The following EZR variants were observed in gnomAD, a reference collection of about 807,000 sequenced individuals.
The protein encoded by EZR is cytovillin 2.
Under a neutral mutation model 74.8 loss-of-function variants are expected in EZR, and 40 were observed. The ratio of observed to expected loss-of-function variants is 0.53; its 90% CI spans 0.42 to 0.70. The LOEUF (loss-of-function observed/expected upper bound fraction) is 0.70. EZR is among the 30% of genes least tolerant of loss of function. The pLI is 0.00. For synonymous variants in EZR, 341 were observed against 283.3 expected (o/e 1.20, Z -2.05); for missense variants, 678 against 755.8 (o/e 0.90, Z 1.21).
chr6:158,807,182 G>A (rs1352422912), intron 2 of EZR, among the ~76,000 whole-genome samples: 3 of 152,104 alleles, frequency 2.0e-5, no homozygotes, highest in Admixed American at 2.0e-4. Context: ...GAGTGTGATG[G>A]CTGGCGCCTG....
intron 2 of EZR, among the ~76,000 whole-genome samples, chr6:158,806,135 C>T (rs976766058): frequency 2.0e-5 from 3 of 152,168 alleles, no homozygotes; most frequent in Non-Finnish European, 4.4e-5. Context: ...GTAGTGACCT[C>T]CTTTTAAAAC....
In EZR at chr6:158,777,294, G is replaced by T. The variant is rs534040445; in HGVS notation, c.699-790C>A. On this transcript the variant is annotated intron_variant, in intron 7 of 13. Transcript: ENST00000367075. ...ATTCCAGTGTGTGTTCTCCTGGCTG[G>T]ACAGACATCTTCCCATGTCACTCTC... Among the ~76,000 whole-genome samples, 3 of 152,326 alleles carry T rather than the reference G, an allele frequency of 2.0e-5. No homozygotes were observed. The East Asian group carries it at 5.8e-4, about 29-fold the overall frequency.
chr6:158,783,952 G>GT (rs1401658207), intron 6 of EZR, among the ~76,000 whole-genome samples: 1 of 152,196 alleles, frequency 6.6e-6, no homozygotes, highest in East Asian at 1.9e-4. Context: ...AGGTTTTTAA[G>GT]TTTTATCACT....
intron 2 of EZR, among the ~76,000 whole-genome samples, chr6:158,813,016 T>C (rs148544111): frequency 1.3e-5 from 2 of 152,296 alleles, no homozygotes; most frequent in Admixed American, 1.3e-4. Context: ...ATTTTCCTAT[T>C]ACAGATCACA....
At chr6:158,818,479 T>G (rs1777614551) in intron 1 of EZR, among the ~76,000 whole-genome samples, 1 of 120,758 alleles carries the variant, frequency 8.3e-6, no homozygotes, top group Non-Finnish European at 1.7e-5. Context: ...ACCCCCAGCA[T>G]GAAGGGGCTG....
intron 12 of EZR, among the ~76,000 whole-genome samples, chr6:158,767,758 C>A (rs1271304694): frequency 6.6e-6 from 1 of 152,022 alleles, no homozygotes; most frequent in African/African-American, 2.4e-5. Context: ...TCTTTTTTTA[C>A]CTGTAACTCT....
At position 158,767,065 on chromosome 6, in the gene EZR, T is replaced by C; in HGVS notation, c.1610A>G (p.Glu537Gly). The change falls in exon 14 of 14, where the codon GAG becomes GGG. Residue 537 changes from glutamate (E) to glycine (G), a missense_variant. By Grantham distance (98) the Glu-to-Gly change is moderately conservative. Transcript: ENST00000367075. ...ATTCTCATCTCGGGCCTGGGACAGCTCGCTGCTCAGCGTCTGTAACATTAA... is the reference window on the plus strand; with the variant it reads ...ATTCTCATCTCGGGCCTGGGACAGCCCGCTGCTCAGCGTCTGTAACATTAA... ...VQRQLLTLSS[E>G]LSQARDENKR... 1 of 1,614,196 alleles carries C rather than the reference T, an allele frequency of 6.2e-7. No individual in the cohort carries two copies. The highest frequency in any genetic ancestry group is 8.5e-7 in the Non-Finnish European group (1 of 1,180,032).
intron 2 of EZR, among the ~76,000 whole-genome samples, chr6:158,808,677 C>G (rs570746085): frequency 2.2e-4 from 34 of 152,312 alleles, no homozygotes; most frequent in African/African-American, 7.9e-4. Flanking sequence ...ATCTTGTTTA[C>G]AGATGAGGAG....
chr6:158,770,687 G>C, intron 10 of EZR, 77 bp downstream of exon 10: 1 of 1,509,834 alleles, frequency 6.6e-7, no homozygotes, highest in East Asian at 2.3e-5. Flanking sequence ...CCTGGTGAGT[G>C]GGTGGGTGGG....
At chr6:158,798,380 G>A (rs1562501882) in intron 2 of EZR, among the ~76,000 whole-genome samples, 1 of 152,202 alleles carries the variant, frequency 6.6e-6, no homozygotes, top group Non-Finnish European at 1.5e-5. Flanking sequence ...TAAACTTTTT[G>A]GGTTTACTGT....
rs1277077237 is a variant in EZR, at chr6:158,767,037, C to T, written c.1638G>A (p.Lys546=). The change falls in exon 14 of 14, where the codon AAG becomes AAA. Residue 546 remains lysine, a synonymous_variant. Coordinates refer to ENST00000367075, the MANE Select transcript of EZR (RefSeq NM_001111077.2). ...TGTGGATGATGTCATTGTGGGTCCT[C>T]TTATTCTCATCTCGGGCCTGGGACA... ...SELSQARDEN[K]RTHNDIIHNE... is the part of the protein sequence containing the mutation. 1.2e-6 allele frequency: 2 copies of T among 1,614,066 alleles called. No homozygotes were observed. The highest frequency in any genetic ancestry group is 1.7e-6 in the Non-Finnish European group (2 of 1,180,034).
intron 2 of EZR, among the ~76,000 whole-genome samples, chr6:158,816,724 A>AAT (rs3063653): frequency 0.78 from 118,177 of 152,112 alleles, 47,780 homozygotes; most frequent in African/African-American, 0.91. Flanking sequence ...CTGGCATATT[A>AAT]ATTCTTTATC....
Position 158,800,351 on chromosome 6 carries a change from C to T in EZR, c.13-10980G>A, listed in dbSNP as rs11961720. On this transcript the variant is annotated intron_variant, in intron 2 of 13. Coordinates refer to ENST00000367075, the MANE Select transcript of EZR (RefSeq NM_001111077.2). ...CCGCCCATAGCAGTGGCCATGTCAC[C>T]AAGGAAAGGAAGGGCTAGAAGAAAT... Among the ~76,000 whole-genome samples, 1,061 of 152,232 alleles carry T rather than the reference C, an allele frequency of 7.0e-3. 7 individuals carry two copies. Among genetic ancestry groups the T allele is most frequent in the African/African-American group, 0.024 (997 of 41,524 alleles).
Position 158,796,758 on chromosome 6 carries a change from A to G in EZR, c.13-7387T>C, listed in dbSNP as rs1777080850. Among the ~76,000 whole-genome samples, 4 of 152,206 alleles carry G rather than the reference A, an allele frequency of 2.6e-5. No homozygotes were observed. In the South Asian group the frequency reaches 8.3e-4, roughly 31 times the overall value. On this transcript the variant is annotated intron_variant, in intron 2 of 13. Transcript: ENST00000367075. ...TTGCCTGTCTGCCATGTTGATGCCA[A>G]CAGTGGCAGTCCAAGACGGGGCCAC...
At chr6:158,780,465 G>A (rs1791406118) in intron 7 of EZR, among the ~76,000 whole-genome samples, 1 of 152,156 alleles carries the variant, frequency 6.6e-6, no homozygotes, top group Admixed American at 6.5e-5. Context: ...GGGTGACAGT[G>A]GAGTGCATAC....
chr6:158,810,499 C>T (rs1562507792), intron 2 of EZR, among the ~76,000 whole-genome samples: 6 of 152,222 alleles, frequency 3.9e-5, no homozygotes, highest in East Asian at 3.9e-4. Flanking sequence ...AAGGCAAAAC[C>T]AATCTTATTT....
chr6:158,814,632 C>G (rs1303527722), intron 2 of EZR, among the ~76,000 whole-genome samples: 1 of 151,708 alleles, frequency 6.6e-6, no homozygotes, highest in Non-Finnish European at 1.5e-5. Flanking sequence ...CAACCTTCAC[C>G]TCCCAGGTTC....
intron 2 of EZR, among the ~76,000 whole-genome samples, chr6:158,795,599 G>A (rs1777053770): frequency 6.6e-6 from 1 of 152,146 alleles, no homozygotes; most frequent in African/African-American, 2.4e-5. Context: ...ATTAACTACT[G>A]CAAGGTGTGC....
intron 2 of EZR, among the ~76,000 whole-genome samples, chr6:158,797,122 T>C (rs913356400): frequency 9.2e-5 from 14 of 152,196 alleles, no homozygotes; most frequent in Non-Finnish European, 1.3e-4. Flanking sequence ...TTTAAACTTA[T>C]AGGTTACCTC....
Sources: gnomAD v4.1 joint callset for allele counts (sites outside exome capture counted in the v4.1 genomes callset) on GRCh38, gnomAD v4.1.1 for gene constraint, MANE v1.5 for transcripts, NCBI Gene and HGNC (gene_info 2026-07-23, HGNC 2026-07-21) for gene names.